The following NR3C2 variants were observed in gnomAD, a reference collection of about 807,000 sequenced individuals.
NR3C2 encodes nuclear receptor subfamily 3 group C member 2.
A neutral mutation model predicts 86.4 loss-of-function variants in NR3C2; 15 were observed. The ratio of observed to expected loss-of-function variants is 0.17; its 90% CI spans 0.12 to 0.27. The LOEUF is 0.27. NR3C2 is among the 10% of genes least tolerant of loss of function. NR3C2 has a pLI of 1.00. For synonymous variants in NR3C2, 458 were observed against 450.5 expected (o/e 1.02, Z -0.21); for missense variants, 960 against 1,195.6 (o/e 0.80, Z 2.91).
chr4:148,327,642 T>G (rs1354100003), intron 2 of NR3C2, among the ~76,000 whole-genome samples: 1 of 152,198 alleles, frequency 6.6e-6, no homozygotes, highest in Non-Finnish European at 1.5e-5. Flanking sequence ...GGAACAGTAG[T>G]GCATATGCTT....
chr4:148,248,689 G>GTAA (rs1197145400), intron 3 of NR3C2, among the ~76,000 whole-genome samples: 1 of 152,100 alleles, frequency 6.6e-6, no homozygotes, highest in African/African-American at 2.4e-5. Context: ...TGACAAGGAA[G>GTAA]TAAACACTCC....
At chr4:148,148,248 C>T (rs1158155058) in intron 6 of NR3C2, among the ~76,000 whole-genome samples, 2 of 152,158 alleles carry the variant, frequency 1.3e-5, no homozygotes, top group African/African-American at 4.8e-5. Context: ...TCTTCCTAGA[C>T]AGCTAATTCT....
At chr4:148,197,942 C>T (rs1224330762) in intron 3 of NR3C2, among the ~76,000 whole-genome samples, 7 of 152,024 alleles carry the variant, frequency 4.6e-5, no homozygotes, top group East Asian at 1.9e-4. Context: ...TCCGTGTACT[C>T]GAGTTCAGTG....
intron 4 of NR3C2, among the ~76,000 whole-genome samples, chr4:148,186,005 G>T (rs902149664): frequency 6.6e-6 from 1 of 152,040 alleles, no homozygotes; most frequent in African/African-American, 2.4e-5. Context: ...TGAGTCCAAG[G>T]CATGTGCCTT....
At chr4:148,412,818 T>TGC (rs201821214) in intron 2 of NR3C2, among the ~76,000 whole-genome samples, 2,346 of 63,766 alleles carry the variant, frequency 0.037, 52 homozygotes, top group African/African-American at 0.11. Context: ...GGTGCACATG[T>TGC]GCGCACACAC....
At chr4:148,253,161 A>T (rs1739656396) in intron 3 of NR3C2, among the ~76,000 whole-genome samples, 1 of 152,238 alleles carries the variant, frequency 6.6e-6, no homozygotes, top group African/African-American at 2.4e-5. Context: ...CCATTCACAT[A>T]AGTAGTTACC....
chr4:148,195,292 A>G (rs1012619460), intron 3 of NR3C2, among the ~76,000 whole-genome samples: 14 of 152,240 alleles, frequency 9.2e-5, no homozygotes, highest in African/African-American at 2.9e-4. Flanking sequence ...CTTTCAAATT[A>G]TACAATTGGA....
Position 148,435,583 on chromosome 4 carries a change from T to G in NR3C2, c.1278A>C (p.Pro426=). The stretch of plus-strand genomic sequence containing the variant: ...AATGCTTGGTTGATTCTTGCTTTAT[T>G]GGTACTGAGAATGAAGAATCCGAAT... ...KINSDSSFSV[P]IKQESTKHSC... The change falls in exon 2 of 9, where the codon CCA becomes CCC. Residue 426 remains proline, a synonymous_variant. Transcript: ENST00000358102. 6.2e-7 allele frequency: 1 copy of G among 1,614,134 alleles called. No homozygotes were observed. Among genetic ancestry groups the G allele is most frequent in the Non-Finnish European group, 8.5e-7 (1 of 1,180,036 alleles).
At chr4:148,319,637 C>T (rs556210101) in intron 2 of NR3C2, among the ~76,000 whole-genome samples, 9 of 150,256 alleles carry the variant, frequency 6.0e-5, no homozygotes, top group East Asian at 3.9e-4. Flanking sequence ...CTCTTTGAAG[C>T]AATTGTGAAT....
At chr4:148,175,714 C>CAGG (rs1414829958) in intron 4 of NR3C2, among the ~76,000 whole-genome samples, 1 of 151,828 alleles carries the variant, frequency 6.6e-6, no homozygotes, top group Non-Finnish European at 1.5e-5. Flanking sequence ...TTTATGCCTT[C>CAGG]CTATGTAAAT....
At chr4:148,426,597 C>A (rs373357813) in intron 2 of NR3C2, among the ~76,000 whole-genome samples, 3 of 152,218 alleles carry the variant, frequency 2.0e-5, no homozygotes, top group Admixed American at 6.5e-5. Flanking sequence ...TGGTTCTCTA[C>A]ATAATTCTGT....
chr4:148,345,319 T>C (rs12331321), intron 2 of NR3C2, among the ~76,000 whole-genome samples: 16,495 of 151,794 alleles, frequency 0.11, 1,000 homozygotes, highest in South Asian at 0.26. Flanking sequence ...CACAGACCCA[T>C]GTAAATAAGA....
At chr4:148,317,004 G>A (rs1452853509) in intron 2 of NR3C2, among the ~76,000 whole-genome samples, 1 of 152,054 alleles carries the variant, frequency 6.6e-6, no homozygotes, top group Non-Finnish European at 1.5e-5. Context: ...TGTTGCCCAG[G>A]CTGGTCTCAA....
At chr4:148,441,139 T>C (rs187797481) in intron 1 of NR3C2, among the ~76,000 whole-genome samples, 40 of 152,302 alleles carry the variant, frequency 2.6e-4, no homozygotes, top group African/African-American at 8.9e-4. Context: ...GCACACCTGA[T>C]TTCTATTCAC....
intron 2 of NR3C2, among the ~76,000 whole-genome samples, chr4:148,434,599 G>C (rs1749945600): frequency 6.6e-6 from 1 of 152,066 alleles, no homozygotes; most frequent in East Asian, 1.9e-4. Flanking sequence ...CTTAGAAAAG[G>C]GCAGAAGGGA....
chr4:148,321,925 T>C (rs1369955491), intron 2 of NR3C2, among the ~76,000 whole-genome samples: 1 of 152,230 alleles, frequency 6.6e-6, no homozygotes, highest in Non-Finnish European at 1.5e-5. Flanking sequence ...GTCATTATGA[T>C]GTTAGCTGGT....
intron 4 of NR3C2, among the ~76,000 whole-genome samples, chr4:148,182,138 CG>C (rs1221067239): frequency 1.3e-5 from 2 of 152,124 alleles, no homozygotes; most frequent in African/African-American, 4.8e-5. Context: ...AAGAAGAAGG[CG>C]GGTAAAAGAA....
intron 2 of NR3C2, among the ~76,000 whole-genome samples, chr4:148,423,023 T>G (rs1345531605): frequency 6.6e-6 from 1 of 152,186 alleles, no homozygotes; most frequent in Non-Finnish European, 1.5e-5. Context: ...GAACAGGTTT[T>G]GGGTCCAATA....
At chr4:148,410,348 C>T (rs921837143) in intron 2 of NR3C2, among the ~76,000 whole-genome samples, 1 of 152,094 alleles carries the variant, frequency 6.6e-6, no homozygotes, top group Non-Finnish European at 1.5e-5. Context: ...GTTTTGAATA[C>T]AAGTGATTAA....
Sources: allele counts gnomAD v4.1 joint callset (sites outside exome capture counted in the v4.1 genomes callset), GRCh38; gene constraint gnomAD v4.1.1; transcripts MANE v1.5; gene names NCBI Gene and HGNC (gene_info 2026-07-23, HGNC 2026-07-21).